The following USP5 variants were observed in gnomAD, a reference collection of about 807,000 sequenced individuals.
USP5 encodes ubiquitin carboxyl-terminal hydrolase 5.
In USP5, 24 loss-of-function variants were observed where a neutral mutation model predicts 102.5. The observed-to-expected ratio is 0.23, with a 90% CI of 0.17 to 0.33. The LOEUF is 0.33. USP5 is among the 10% of genes least tolerant of loss of function. USP5 has a pLI of 1.00. For missense variants in USP5, 753 were observed against 1,122.1 expected, an observed-to-expected ratio of 0.67 and a Z score of 4.70; for synonymous variants, 460 against 434.8, an observed-to-expected ratio of 1.06 and a Z score of -0.72.
intron 9 of USP5, among the ~76,000 whole-genome samples, 160 bp downstream of exon 9, chr12:6,859,701 G>A (rs1480787632): frequency 6.6e-6 from 1 of 152,200 alleles, no homozygotes; most frequent in Non-Finnish European, 1.5e-5. Context: ...TTGCCAGGCT[G>A]GAGTGCAGTG....
chr12:6,863,831 G>A lies in USP5; in HGVS notation c.1956G>A (p.Ser652=), dbSNP rs372248919. The change falls in exon 16 of 20, where the codon TCG becomes TCA. Residue 652 remains serine (S), a splice_region_variant and synonymous_variant. Transcript: ENST00000229268. The surrounding 1 kb of genome is among the most constrained non-coding windows in gnomAD (Gnocchi z 4.7). ...GTGTACCCACAATTCCCATTACAGC[G>A]CCCATGCTGGATGAATCAGTCATCA... ...FCSPHFSSPT[S]PMLDESVIIQ... is the part of the protein sequence containing the mutation. The A allele has an allele frequency of 8.9e-6, 14 of 1,577,666 alleles. No homozygotes were observed. Among genetic ancestry groups the A allele is most frequent in the African/African-American group, 2.7e-5 (2 of 73,948 alleles).
rs1555127005 is a variant in USP5 at position 6,852,224 on chromosome 12, G to A, written c.45G>A (p.Thr15=). 1 of 1,613,296 alleles carries A rather than the reference G, an allele frequency of 6.2e-7. No homozygotes were observed. The highest frequency in any genetic ancestry group is 8.5e-7 in the Non-Finnish European group (1 of 1,179,752). Residue 15 remains threonine (T), a synonymous_variant, in exon 1 of 20, where the codon ACG becomes ACA. Transcript: ENST00000229268. Reference sequence around the variant, plus strand: ...AGGCGCTGCTGTCAGTATTACCGACGATCCGGGTCCCTAAGGCTGGAGACC... The same window carrying A: ...AGGCGCTGCTGTCAGTATTACCGACAATCCGGGTCCCTAAGGCTGGAGACC... ...SEEALLSVLP[T]IRVPKAGDRV...
intron 6 of USP5, among the ~76,000 whole-genome samples, chr12:6,857,161 G>A (rs953545606): frequency 6.6e-6 from 1 of 152,106 alleles, no homozygotes; most frequent in African/African-American, 2.4e-5. Context: ...GGGTGTGGTA[G>A]CTCCTGCCTG....
rs1217929665 is a variant in USP5 at position 6,866,273 on chromosome 12, AGGACGG to A, written c.*204_*209del. ...CAGCGATAGACTCTGGGGATGGAGC[AGGACGG>A]GGACGGGAGGGGCCGGCCACCTGTC... is the stretch of plus-strand genomic sequence containing the variant. On this transcript the variant is annotated 3_prime_UTR_variant, in exon 20 of 20. Coordinates refer to ENST00000229268, the MANE Select transcript of USP5 (RefSeq NM_001098536.2). The surrounding 1 kb of genome is among the most constrained non-coding windows in gnomAD (Gnocchi z 4.7). The A allele has an allele frequency of 1.2e-5, 7 of 588,162 alleles. No homozygotes were observed. Among genetic ancestry groups the A allele is most frequent in the South Asian group, 8.4e-5 (4 of 47,860 alleles). 36.4% of individuals were successfully genotyped at this position (588,162 alleles called of 1,614,324 possible). A position where few individuals can be genotyped will look rare whatever the true frequency, so the allele number is the denominator to read the frequency against.
In USP5 at chr12:6,861,041, A is replaced by C; in HGVS notation, c.1433A>C (p.Lys478Thr). ...AAGTGCCTGGCCACAGAGAAGGTGAAGTACACCCAGCGAGTTGACTACATC... is the reference window on the plus strand; with the variant it reads ...AAGTGCCTGGCCACAGAGAAGGTGACGTACACCCAGCGAGTTGACTACATC... The part of the protein sequence containing the change: ...KIKCLATEKV[K>T]YTQRVDYIMQ... The change falls in exon 12 of 20, where the codon AAG (lysine) becomes ACG (threonine). Residue 478 changes from lysine to threonine, a missense_variant. By Grantham distance (78) the Lys-to-Thr change is moderately conservative. Around this residue, in one of 3 missense-constraint regions of USP5, gnomAD observed 527 missense variants for 816.5 expected, o/e 0.65. Coordinates refer to ENST00000229268, the MANE Select transcript of USP5 (RefSeq NM_001098536.2). The surrounding 1 kb of genome is among the most constrained non-coding windows in gnomAD (Gnocchi z 4.9). 6.2e-7 allele frequency: 1 copy of C among 1,614,204 alleles called. No individual in the cohort carries two copies. Among genetic ancestry groups the C allele is most frequent in the Non-Finnish European group, 8.5e-7 (1 of 1,180,034 alleles).
In USP5 at chr12:6,864,580, T is replaced by G; in HGVS notation, c.2245-142T>G. On this transcript the variant is annotated intron_variant, in intron 17 of 19. Coordinates refer to ENST00000229268, the MANE Select transcript of USP5 (RefSeq NM_001098536.2). The surrounding 1 kb of genome is among the most constrained non-coding windows in gnomAD (Gnocchi z 4.8). ...GGTGGGCGTCTGTAGTCCCAGCTAC[T>G]TGGGAGGCTGAGGCAGGAGAAAGGC... The G allele has an allele frequency of 2.2e-6, 2 of 923,432 alleles. No homozygotes were observed. Among genetic ancestry groups the G allele is most frequent in the African/African-American group, 1.7e-5 (1 of 60,046 alleles). 57.2% of individuals were successfully genotyped at this position (923,432 alleles called of 1,614,324 possible).
rs2138038329 is a variant in USP5, at chr12:6,855,842, ATTC to A, written c.304+26_304+28del. On this transcript the variant is annotated intron_variant, in intron 3 of 19. Transcript: ENST00000229268. The surrounding 1 kb of genome is among the most constrained non-coding windows in gnomAD (Gnocchi z 4.6). The stretch of plus-strand genomic sequence containing the variant: ...TATTGGTGAGCACCGCTGCAGTCCT[ATTC>A]TTCTCCCTGAGCTGGTCTTTCTGGC... 5 of 1,614,100 alleles carry A rather than the reference ATTC, an allele frequency of 3.1e-6. No homozygotes were observed. The highest frequency in any genetic ancestry group is 2.2e-5 in the East Asian group (1 of 44,878).
At position 6,859,470 on chromosome 12, in the gene USP5, G is replaced by A. The variant is rs143332941; in HGVS notation, c.1059G>A (p.Lys353=). ...VLFSIPDFQR[K]YVDKLEKIFQ... ...CAACTGTCCTTCCCTTGACTTTTAG[G>A]TATGTGGATAAGCTGGAGAAGATCT... is the stretch of plus-strand genomic sequence containing the variant. Residue 353 remains lysine, a splice_region_variant and synonymous_variant, in exon 9 of 20, where the codon AAG becomes AAA. Coordinates refer to ENST00000229268, the MANE Select transcript of USP5 (RefSeq NM_001098536.2). The A allele has an allele frequency of 2.6e-4, 423 of 1,614,112 alleles. 2 individuals carry two copies. In the East Asian group the frequency reaches 6.6e-3, roughly 25 times the overall value.
chr12:6,866,347 G>A lies in USP5; in HGVS notation c.*270G>A, dbSNP rs1010202719. On this transcript the variant is annotated 3_prime_UTR_variant, in exon 20 of 20. Coordinates refer to ENST00000229268, the MANE Select transcript of USP5 (RefSeq NM_001098536.2). The surrounding 1 kb of genome is among the most constrained non-coding windows in gnomAD (Gnocchi z 4.7). ...GCTTCCCCTGCCCCCGGAATCCACA[G>A]TGCTCTGCTTCTCTGTGTCGCCCCG... 6.5e-6 allele frequency: 3 copies of A among 461,850 alleles called. No individual in the cohort carries two copies. Among genetic ancestry groups the A allele is most frequent in the African/African-American group, 3.9e-5 (2 of 51,318 alleles). The allele number at this position is 461,850 out of a possible 1,614,324, so 28.6% of individuals were successfully genotyped here. A position where few individuals can be genotyped will look rare whatever the true frequency, so the allele number is the denominator to read the frequency against.
At chr12:6,859,602 T>C in intron 9 of USP5, 61 bp downstream of exon 9, 3 of 1,518,612 alleles carry the variant, frequency 2.0e-6, no homozygotes, top group South Asian at 1.1e-5. Context: ...ACCTTCCTCC[T>C]CCCTGACCGC....
chr12:6,857,737 C>A lies in USP5; in HGVS notation c.864+14C>A. 6.2e-7 allele frequency: 1 copy of A among 1,613,820 alleles called. No homozygotes were observed. Among genetic ancestry groups the A allele is most frequent in the Non-Finnish European group, 8.5e-7 (1 of 1,179,808 alleles). On this transcript the variant is annotated intron_variant, in intron 7 of 19. Coordinates refer to ENST00000229268, the MANE Select transcript of USP5 (RefSeq NM_001098536.2). ...AAGATGCAGAAGGTGAGACCCCCTT[C>A]AACTTCAGATTCTTCTACTTCCTGC...
chr12:6,863,419 TGGG>T lies in USP5; in HGVS notation c.1954+45_1954+47del. The T allele has an allele frequency of 6.3e-7, 1 of 1,586,728 alleles. No individual in the cohort carries two copies. Among genetic ancestry groups the T allele is most frequent in the East Asian group, 2.2e-5 (1 of 44,642 alleles). On this transcript the variant is annotated intron_variant, in intron 15 of 19. Coordinates refer to ENST00000229268, the MANE Select transcript of USP5 (RefSeq NM_001098536.2). This position sits in a 1 kb window ranked among gnomAD's most constrained non-coding sequence, Gnocchi z 4.7. ...CCTGCCTGTCTCTCTCCCGTGCTGA[TGGG>T]GGCCTCTCTGCCTTGCATCCCCTGC...
chr12:6,863,154 C>T lies in USP5; in HGVS notation c.1763-32C>T, dbSNP rs782611370. ...CCGAATCACTTTCCAGGTAGGCCTC[C>T]GGGAGCTGCTGAGGTGACCCTTTTC... is the stretch of plus-strand genomic sequence containing the variant. On this transcript the variant is annotated intron_variant, in intron 14 of 19. Transcript: ENST00000229268. The surrounding 1 kb of genome is among the most constrained non-coding windows in gnomAD (Gnocchi z 4.7). 29 of 1,579,900 alleles carry T rather than the reference C, an allele frequency of 1.8e-5. No individual in the cohort carries two copies. The highest frequency in any genetic ancestry group is 3.5e-5 in the South Asian group (3 of 86,412).
chr12:6,866,211 G>A lies in USP5; in HGVS notation c.*134G>A. On this transcript the variant is annotated 3_prime_UTR_variant, in exon 20 of 20. Coordinates refer to ENST00000229268, the MANE Select transcript of USP5 (RefSeq NM_001098536.2). This position sits in a 1 kb window ranked among gnomAD's most constrained non-coding sequence, Gnocchi z 4.7. ...TGTCCCCGGCAGCAGGGAAGAAGCT[G>A]GAGGCCGTGGGAGAATGGCTGGGCA... The A allele has an allele frequency of 1.3e-6, 1 of 765,758 alleles. No individual in the cohort carries two copies. Among genetic ancestry groups the A allele is most frequent in the Non-Finnish European group, 2.1e-6 (1 of 472,876 alleles). 47.4% of individuals were successfully genotyped at this position (765,758 alleles called of 1,614,324 possible).
chr12:6,864,805 G>A lies in USP5; in HGVS notation c.2328G>A (p.Glu776=), dbSNP rs1944384769. 1 of 1,613,996 alleles carries A rather than the reference G, an allele frequency of 6.2e-7. No individual in the cohort carries two copies. Among genetic ancestry groups the A allele is most frequent in the Non-Finnish European group, 8.5e-7 (1 of 1,180,040 alleles). ...CTGAAGCTGCCATGGACATCTCAGA[G>A]GGCCGCTCAGCTGCCGACTCCATCT... is the stretch of plus-strand genomic sequence containing the variant. The part of the protein sequence containing the change: ...LDAEAAMDIS[E]GRSAADSISE... The change falls in exon 18 of 20, where the codon GAG becomes GAA. Residue 776 remains glutamate (E), a synonymous_variant. Coordinates refer to ENST00000229268, the MANE Select transcript of USP5 (RefSeq NM_001098536.2). The surrounding 1 kb of genome is among the most constrained non-coding windows in gnomAD (Gnocchi z 4.8).
chr12:6,856,964 T>C lies in USP5; in HGVS notation c.769+73T>C. The C allele has an allele frequency of 1.3e-6, 2 of 1,532,746 alleles. No homozygotes were observed. The highest frequency in any genetic ancestry group is 1.8e-6 in the Non-Finnish European group (2 of 1,133,860). 94.9% of individuals were successfully genotyped at this position (1,532,746 alleles called of 1,614,324 possible). A position where few individuals can be genotyped will look rare whatever the true frequency, so the allele number is the denominator to read the frequency against. ...TTTGTTAGTAATTTCGTGTGACATG[T>C]ATAATACATGAATGCATTATCTTGA... On this transcript the variant is annotated intron_variant, in intron 6 of 19. Transcript: ENST00000229268. The surrounding 1 kb of genome is among the most constrained non-coding windows in gnomAD (Gnocchi z 5.6).
In USP5 at chr12:6,860,038, T is replaced by C; in HGVS notation, c.1131-113T>C. The C allele has an allele frequency of 8.6e-7, 1 of 1,165,272 alleles. No homozygotes were observed. The highest frequency in any genetic ancestry group is 1.4e-5 in the South Asian group (1 of 73,940). 72.2% of individuals were successfully genotyped at this position (1,165,272 alleles called of 1,614,324 possible). A position where few individuals can be genotyped will look rare whatever the true frequency, so the allele number is the denominator to read the frequency against. On this transcript the variant is annotated intron_variant, in intron 9 of 19. Coordinates refer to ENST00000229268, the MANE Select transcript of USP5 (RefSeq NM_001098536.2). The surrounding 1 kb of genome is among the most constrained non-coding windows in gnomAD (Gnocchi z 5.5). ...AGCTGGGTTCCTGTAGAATCTAAGG[T>C]TTTTCACGTTGTTGAGAGTTAGCTA...
At position 6,855,731 on chromosome 12, in the gene USP5, C is replaced by G. The variant is rs1244965532; in HGVS notation, c.238-24C>G. 9.3e-6 allele frequency: 15 copies of G among 1,613,918 alleles called. No homozygotes were observed. The highest frequency in any genetic ancestry group is 1.2e-5 in the Non-Finnish European group (14 of 1,179,922). On this transcript the variant is annotated intron_variant, in intron 2 of 19. Transcript: ENST00000229268. This position sits in a 1 kb window ranked among gnomAD's most constrained non-coding sequence, Gnocchi z 4.6. ...TCCTTCGCTCGTGCTCATTGCTGAT[C>G]CAGCCCTTCCTGCTTCTTTACAGAA... is the stretch of plus-strand genomic sequence containing the variant.
intron 14 of USP5, 99 bp downstream of exon 14, chr12:6,862,657 G>T: frequency 8.7e-7 from 1 of 1,146,470 alleles, no homozygotes; most frequent in South Asian, 1.4e-5. Flanking sequence ...TCCTCTGAAA[G>T]AGGAAAAAAA....
Sources: gnomAD v4.1 joint callset for allele counts (sites outside exome capture counted in the v4.1 genomes callset) on GRCh38, gnomAD v4.1.1 for gene constraint, gnomAD v4.1.1 regional missense constraint, Gnocchi (gnomAD v3.1) non-coding constraint, MANE v1.5 for transcripts, NCBI Gene and HGNC (gene_info 2026-07-23, HGNC 2026-07-21) for gene names.